The following RRAGC variants were observed in gnomAD, a reference collection of about 807,000 sequenced individuals.
RRAGC encodes Ras related GTP binding C.
RRAGC carries 8 observed loss-of-function variants against 37.1 expected under a neutral mutation model. That is an observed-to-expected ratio of 0.22 (90% CI 0.13 to 0.39). The LOEUF (loss-of-function observed/expected upper bound fraction) is 0.39. Ranked by LOEUF, RRAGC falls within the 10% of genes least tolerant of loss-of-function variation. The probability of loss-of-function intolerance (pLI) is 1.00; values close to 1 mark genes in which losing one functional copy is unlikely to be tolerated. For missense variants in RRAGC, 342 were observed against 497.6 expected (o/e 0.69, Z 2.98); for synonymous variants, 190 against 181.1 (o/e 1.05, Z -0.39).
intron 6 of RRAGC, among the ~76,000 whole-genome samples, chr1:38,844,596 A>T (rs1478502322): frequency 6.6e-6 from 1 of 152,190 alleles, no homozygotes; most frequent in Non-Finnish European, 1.5e-5. Context: ...TAGAAGATTG[A>T]AAAGCCTGCA....
chr1:38,845,709 T>C (rs576976050), intron 6 of RRAGC, among the ~76,000 whole-genome samples: 2 of 152,250 alleles, frequency 1.3e-5, no homozygotes, highest in Admixed American at 1.3e-4. Context: ...ATGAAAGCAT[T>C]TGAACGCAGA....
chr1:38,843,630 G>GA (rs1404007501), intron 6 of RRAGC, among the ~76,000 whole-genome samples: 42 of 151,094 alleles, frequency 2.8e-4, no homozygotes, highest in African/African-American at 1.0e-3. Flanking sequence ...TGAGGCAGGA[G>GA]AATGATGTGA....
intron 5 of RRAGC, chr1:38,847,429 A>AGAAC (rs1491130872): frequency 7.6e-6 from 1 of 132,440 alleles, no homozygotes; most frequent in African/African-American, 3.4e-5. Context: ...AGGCAACACA[A>AGAAC]GAACACACAC....
chr1:38,842,792 T>C (rs892677469), intron 6 of RRAGC, among the ~76,000 whole-genome samples: 6 of 152,202 alleles, frequency 3.9e-5, no homozygotes, highest in Admixed American at 2.6e-4. Flanking sequence ...AAATGTGGTA[T>C]AGTCAACCTG....
intron 2 of RRAGC, 36 bp downstream of exon 2, chr1:38,856,843 C>T (rs1426554613): frequency 6.3e-7 from 1 of 1,583,658 alleles, no homozygotes; most frequent in Non-Finnish European, 8.7e-7. Context: ...CATCTTTTTC[C>T]CACCAGGAAA....
intron 3 of RRAGC, among the ~76,000 whole-genome samples, chr1:38,853,808 G>C (rs1249996178): frequency 1.3e-5 from 2 of 152,012 alleles, no homozygotes; most frequent in Non-Finnish European, 2.9e-5. Flanking sequence ...AGCAAGACAG[G>C]GGTCTAATCT....
chr1:38,859,708 C>T lies in RRAGC; in HGVS notation c.-62G>A, dbSNP rs917463372. 7.9e-7 allele frequency: 1 copy of T among 1,258,372 alleles called. No homozygotes were observed. Among genetic ancestry groups the T allele is most frequent in the African/African-American group, 1.6e-5 (1 of 63,946 alleles). 78.0% of individuals were successfully genotyped at this position (1,258,372 alleles called of 1,614,324 possible). A position where few individuals can be genotyped will look rare whatever the true frequency, so the allele number is the denominator to read the frequency against. On this transcript the variant is annotated 5_prime_UTR_variant, in exon 1 of 7. Transcript: ENST00000373001. Reference sequence around the variant, plus strand: ...CAGGCCAGGCCGAGCCAGGCCGCCGCCTCCCCAGTCCGCCTCCGCCGCCGC... The same window carrying T: ...CAGGCCAGGCCGAGCCAGGCCGCCGTCTCCCCAGTCCGCCTCCGCCGCCGC...
At chr1:38,854,546 C>T (rs1310953003) in intron 3 of RRAGC, among the ~76,000 whole-genome samples, 3 of 152,132 alleles carry the variant, frequency 2.0e-5, no homozygotes, top group African/African-American at 4.8e-5. Flanking sequence ...AGGACAAGAA[C>T]GGCTCAAAAT....
chr1:38,855,234 T>C (rs901070433), intron 3 of RRAGC, among the ~76,000 whole-genome samples: 1 of 151,756 alleles, frequency 6.6e-6, no homozygotes, highest in South Asian at 2.1e-4. Flanking sequence ...GCAGGAAAAA[T>C]AAAAATGAAA....
chr1:38,859,678 C>A lies in RRAGC; in HGVS notation c.-32G>T. On this transcript the variant is annotated 5_prime_UTR_variant, in exon 1 of 7. Transcript: ENST00000373001. ...GGAGCCGCCGCCGCCCGCGCCCTGA[C>A]AGGCCAGGCCAGGCCGAGCCAGGCC... 4.2e-6 allele frequency: 6 copies of A among 1,444,774 alleles called. No individual in the cohort carries two copies. The highest frequency in any genetic ancestry group is 4.6e-6 in the Non-Finnish European group (5 of 1,096,824). The allele number at this position is 1,444,774 out of a possible 1,614,324, so 89.5% of individuals were successfully genotyped here.
chr1:38,846,259 T>C, intron 5 of RRAGC, 172 bp from the exon 6 acceptor site: 1 of 557,536 alleles, frequency 1.8e-6, no homozygotes, highest in East Asian at 3.2e-5. Flanking sequence ...ACACAGAATT[T>C]CAGGGATACC....
In RRAGC at chr1:38,859,707, G is replaced by GCCTCCCCAGTCCGCCT. The variant is rs1557589991; in HGVS notation, c.-77_-62dup. 2 of 1,313,258 alleles carry GCCTCCCCAGTCCGCCT rather than the reference G, an allele frequency of 1.5e-6. No homozygotes were observed. Among genetic ancestry groups the GCCTCCCCAGTCCGCCT allele is most frequent in the African/African-American group, 1.6e-5 (1 of 64,026 alleles). The allele number at this position is 1,313,258 out of a possible 1,614,324, so 81.4% of individuals were successfully genotyped here. On this transcript the variant is annotated 5_prime_UTR_variant, in exon 1 of 7. Transcript: ENST00000373001. ...CCAGGCCAGGCCGAGCCAGGCCGCC[G>GCCTCCCCAGTCCGCCT]CCTCCCCAGTCCGCCTCCGCCGCCG...
Position 38,851,690 on chromosome 1 carries a change from G to A in RRAGC, c.824C>T (p.Ser275Phe), listed in dbSNP as rs2124227316. ...VSKIYIATDS[S>F]PVDMQSYELC... is the part of the protein sequence containing the mutation. The stretch of plus-strand genomic sequence containing the variant: ...TTCATAAGATTGCATATCCACAGGG[G>A]AACTGTCTGTTGCAATGTAGATTTT... Residue 275 changes from serine to phenylalanine, a missense_variant, in exon 5 of 7, where the codon TCC becomes TTC. Around this residue, in one of 3 missense-constraint regions of RRAGC, gnomAD observed 134 missense variants for 277.2 expected, o/e 0.48. Transcript: ENST00000373001. 1.2e-6 allele frequency: 2 copies of A among 1,600,382 alleles called. No homozygotes were observed. The highest frequency in any genetic ancestry group is 1.7e-6 in the Non-Finnish European group (2 of 1,176,108).
chr1:38,857,195 G>C (rs926635032), intron 1 of RRAGC, 113 bp from the exon 2 acceptor site: 13 of 725,138 alleles, frequency 1.8e-5, no homozygotes, highest in Non-Finnish European at 2.9e-5. Context: ...AATTTTTTTT[G>C]AAAAGTAGAA....
Position 38,845,953 on chromosome 1 carries a change from C to G in RRAGC, c.1034G>C (p.Ser345Thr). 1 of 1,607,534 alleles carries G rather than the reference C, an allele frequency of 6.2e-7. No homozygotes were observed. The highest frequency in any genetic ancestry group is 8.5e-7 in the Non-Finnish European group (1 of 1,178,108). ...AATGCTATTACCTTTTCTTTCAAAG[C>G]TTTCTTCCCTTAGAATGCAGACCAG... ...LALVCILREE[S>T]FERKGLIDYN... is the part of the protein sequence containing the mutation. Residue 345 changes from serine (S) to threonine (T), a missense_variant, in exon 6 of 7, where the codon AGC (serine) becomes ACC (threonine). Coordinates refer to ENST00000373001, the MANE Select transcript of RRAGC (RefSeq NM_022157.4).
chr1:38,856,012 C>G (rs1384639069), intron 2 of RRAGC, 105 bp from the exon 3 acceptor site: 1 of 682,070 alleles, frequency 1.5e-6, no homozygotes, highest in Non-Finnish European at 2.5e-6. Flanking sequence ...AAATACTATC[C>G]TAATTATCAT....
chr1:38,840,670 G>C (rs1641952706), intron 6 of RRAGC, among the ~76,000 whole-genome samples: 1 of 152,034 alleles, frequency 6.6e-6, no homozygotes, highest in African/African-American at 2.4e-5. Context: ...AAAATCACAA[G>C]AAAACTGCAG....
At chr1:38,859,191 T>C (rs911797776) in intron 1 of RRAGC, among the ~76,000 whole-genome samples, 3 of 152,216 alleles carry the variant, frequency 2.0e-5, no homozygotes, top group Non-Finnish European at 4.4e-5. Context: ...CGGCAACCAG[T>C]TTCGCCTTCA....
chr1:38,845,988 T>C lies in RRAGC; in HGVS notation c.999A>G (p.Lys333=), dbSNP rs756168087. ...TTVLYLKEVT[K]FLALVCILRE... is the part of the protein sequence containing the mutation. The stretch of plus-strand genomic sequence containing the variant: ...TTAGAATGCAGACCAGTGCCAAAAA[T>C]TTAGTCACCTCCTTTAAATAAAGGA... The change falls in exon 6 of 7, where the codon AAA becomes AAG. Residue 333 remains lysine, a synonymous_variant. Transcript: ENST00000373001. 3.1e-6 allele frequency: 5 copies of C among 1,613,228 alleles called. No individual in the cohort carries two copies. The African/African-American group carries it at 6.7e-5, about 22-fold the overall frequency.
Sources: gnomAD v4.1 joint callset for allele counts (sites outside exome capture counted in the v4.1 genomes callset) on GRCh38, gnomAD v4.1.1 for gene constraint, gnomAD v4.1.1 regional missense constraint, MANE v1.5 for transcripts, NCBI Gene and HGNC (gene_info 2026-07-23, HGNC 2026-07-21) for gene names.